The following DLGAP2 variants were observed in gnomAD, a reference collection of about 807,000 sequenced individuals.
DLGAP2 encodes the protein disks large-associated protein 2.
A neutral mutation model predicts 100.3 loss-of-function variants in DLGAP2; 26 were observed. The ratio of observed to expected loss-of-function variants is 0.26; its 90% CI spans 0.19 to 0.36. The LOEUF (loss-of-function observed/expected upper bound fraction) is 0.36, where lower values mean the gene tolerates loss of function less well. Ranked by LOEUF, DLGAP2 falls within the 10% of genes least tolerant of loss-of-function variation. The pLI, the probability that DLGAP2 is intolerant of heterozygous loss-of-function variation, is 1.00. For synonymous variants in DLGAP2, 886 were observed against 630.1 expected (o/e 1.41, Z -6.08); for missense variants, 1,858 against 1,453.2 (o/e 1.28, Z -4.53).
At chr8:1,448,651 G>T (rs896713859) in intron 3 of DLGAP2, among the ~76,000 whole-genome samples, 4 of 152,086 alleles carry the variant, frequency 2.6e-5, no homozygotes, top group Non-Finnish European at 5.9e-5. Flanking sequence ...AAAATAATAC[G>T]GCTAAATAAA....
chr8:1,682,689 A>C (rs1253007415), intron 12 of DLGAP2, among the ~76,000 whole-genome samples: 1 of 151,336 alleles, frequency 6.6e-6, no homozygotes, highest in Non-Finnish European at 1.5e-5. Context: ...GGCCAGGATA[A>C]TCGTGAACTC....
At chr8:1,069,926 AC>A (rs1803376639) in intron 2 of DLGAP2, among the ~76,000 whole-genome samples, 2 of 151,928 alleles carry the variant, frequency 1.3e-5, no homozygotes, top group South Asian at 2.1e-4. Flanking sequence ...GCCAGGCTGA[AC>A]CCCCTCCCCA....
chr8:753,701 C>T (rs1174092651), intron 1 of DLGAP2: 3 of 152,204 alleles, frequency 2.0e-5, no homozygotes, highest in Non-Finnish European at 4.4e-5. Context: ...GGTATAAAAA[C>T]GTGCCGGCTC....
intron 1 of DLGAP2, among the ~76,000 whole-genome samples, chr8:763,828 A>T (rs185566826): frequency 3.3e-5 from 5 of 152,366 alleles, no homozygotes; most frequent in African/African-American, 1.2e-4. Flanking sequence ...AAACGATGAA[A>T]TAGAAAATCC....
chr8:1,475,072 C>A (rs1798895065), intron 3 of DLGAP2, among the ~76,000 whole-genome samples: 1 of 152,122 alleles, frequency 6.6e-6, no homozygotes, highest in Admixed American at 6.5e-5. Context: ...GAGATCATGT[C>A]CTCGCAGAGA....
At chr8:802,654 C>T (rs1276218831) in intron 1 of DLGAP2, among the ~76,000 whole-genome samples, 1 of 152,114 alleles carries the variant, frequency 6.6e-6, no homozygotes, top group Non-Finnish European at 1.5e-5. Flanking sequence ...TCTCAGGGGT[C>T]TTTTAGACAG....
At chr8:757,801 A>G (rs1004524357) in intron 1 of DLGAP2, among the ~76,000 whole-genome samples, 10 of 152,254 alleles carry the variant, frequency 6.6e-5, no homozygotes, top group African/African-American at 2.4e-4. Flanking sequence ...GGTGCTCTGC[A>G]TGAAAGTCAC....
rs549995707 is a variant in DLGAP2, at chr8:1,291,989, A to G, written c.106+33106A>G. Among the ~76,000 whole-genome samples the G allele has an allele frequency of 7.9e-5, 12 of 152,372 alleles. No homozygotes were observed. The East Asian group carries it at 2.1e-3, about 27-fold the overall frequency. On this transcript the variant is annotated intron_variant, in intron 3 of 14. Coordinates refer to ENST00000637795, the MANE Select transcript of DLGAP2 (RefSeq NM_001346810.2). ...GATGTAGGGACATGAGAGGCTTTCA[A>G]TAAAGATGTGGAAAGCAAATGCTAG... is the stretch of plus-strand genomic sequence containing the variant.
chr8:1,663,437 C>A (rs184455717), intron 8 of DLGAP2, among the ~76,000 whole-genome samples: 237 of 152,180 alleles, frequency 1.6e-3, no homozygotes, highest in African/African-American at 5.6e-3. Context: ...ATGCTTATCT[C>A]CGCTTCGTGG....
chr8:1,623,690 G>A (rs1246322369), intron 6 of DLGAP2, among the ~76,000 whole-genome samples: 1 of 152,270 alleles, frequency 6.6e-6, no homozygotes, highest in African/African-American at 2.4e-5. Context: ...CCTGGCACCA[G>A]TGCACAATGA....
At chr8:830,894 C>CTTTTTTTTTTTTTTTTTTTTT (rs5888818) in intron 1 of DLGAP2, among the ~76,000 whole-genome samples, 1 of 110,648 alleles carries the variant, frequency 9.0e-6, no homozygotes, top group African/African-American at 3.4e-5. Context: ...TCAGCTGTGA[C>CTTTTTTTTTTTTTTTTTTTTT]TTTTTTTTTT....
chr8:1,027,801 T>C (rs867033126), intron 2 of DLGAP2, among the ~76,000 whole-genome samples: 7 of 86,830 alleles, frequency 8.1e-5, no homozygotes, highest in Non-Finnish European at 1.6e-4. Flanking sequence ...AGGTCGGGTG[T>C]CAGGCGCCCG....
chr8:1,522,059 T>C (rs1476506491), intron 4 of DLGAP2, among the ~76,000 whole-genome samples: 2 of 151,628 alleles, frequency 1.3e-5, no homozygotes, highest in Non-Finnish European at 2.9e-5. Flanking sequence ...TTGTTTTAAT[T>C]TGGAATACTC....
chr8:1,569,894 A>G (rs1307086155), intron 6 of DLGAP2, among the ~76,000 whole-genome samples: 1 of 150,820 alleles, frequency 6.6e-6, no homozygotes, highest in African/African-American at 2.4e-5. Context: ...GGGCAGGTAG[A>G]TCTTCACCCC....
At chr8:810,940 G>A (rs1000119443) in intron 1 of DLGAP2, among the ~76,000 whole-genome samples, 96 of 152,206 alleles carry the variant, frequency 6.3e-4, no homozygotes, top group African/African-American at 2.3e-3. Flanking sequence ...TGGATGTTCG[G>A]GTATAATGCC....
intron 3 of DLGAP2, among the ~76,000 whole-genome samples, chr8:1,438,401 T>G (rs930724485): frequency 6.6e-6 from 1 of 152,158 alleles, no homozygotes; most frequent in East Asian, 1.9e-4. Context: ...GCCATTTTAG[T>G]GCGTTGCTAA....
intron 6 of DLGAP2, among the ~76,000 whole-genome samples, chr8:1,604,273 C>G (rs778002485): frequency 3.9e-5 from 6 of 152,184 alleles, no homozygotes; most frequent in African/African-American, 1.4e-4. Context: ...AATTTTATCT[C>G]CTAACACCAG....
At chr8:1,475,511 C>T (rs943079169) in intron 3 of DLGAP2, among the ~76,000 whole-genome samples, 4 of 152,084 alleles carry the variant, frequency 2.6e-5, no homozygotes, top group Admixed American at 1.3e-4. Flanking sequence ...GGAGGTGCCC[C>T]GCTGATTGTT....
chr8:1,232,921 A>C (rs1156611354), intron 2 of DLGAP2, among the ~76,000 whole-genome samples: 2 of 151,726 alleles, frequency 1.3e-5, no homozygotes, highest in East Asian at 1.9e-4. Context: ...ATTAGTAACC[A>C]CTCCCATTCT....
Sources: gnomAD v4.1 joint callset for allele counts (sites outside exome capture counted in the v4.1 genomes callset) on GRCh38, gnomAD v4.1.1 for gene constraint, MANE v1.5 for transcripts, NCBI Gene and HGNC (gene_info 2026-07-23, HGNC 2026-07-21) for gene names.